The following CSDC2 variants were observed in gnomAD, a reference collection of about 807,000 sequenced individuals.
CSDC2 encodes cold shock domain-containing protein C2.
In CSDC2, 8 loss-of-function variants were observed where a neutral mutation model predicts 15.8. The ratio of observed to expected loss-of-function variants is 0.51; its 90% CI spans 0.30 to 0.92. The LOEUF (loss-of-function observed/expected upper bound fraction) is 0.92, where lower values mean the gene tolerates loss of function less well. CSDC2 is among the 40% of genes least tolerant of loss of function. The pLI is 0.07. For missense variants in CSDC2, 195 were observed against 213.3 expected (o/e 0.91, Z 0.53); for synonymous variants, 96 against 92.3 (o/e 1.04, Z -0.23).
intron 2 of CSDC2, among the ~76,000 whole-genome samples, chr22:41,572,624 C>T (rs1297153935): frequency 6.6e-6 from 1 of 152,114 alleles, no homozygotes; most frequent in Non-Finnish European, 1.5e-5. Flanking sequence ...CATTACCACC[C>T]AGCAGGGTTA....
intron 3 of CSDC2, 114 bp from the exon 4 acceptor site, chr22:41,574,619 C>T: frequency 7.8e-7 from 1 of 1,279,400 alleles, no homozygotes; most frequent in Admixed American, 2.5e-5. Flanking sequence ...AAGGCCTGGC[C>T]AGGCCTCCTG....
intron 2 of CSDC2, 103 bp from the exon 3 acceptor site, chr22:41,573,552 C>T: frequency 7.1e-7 from 1 of 1,402,162 alleles, no homozygotes. Context: ...TCAAGTTTCT[C>T]ACAGCCCTGA....
At chr22:41,561,869 G>T (rs1426672347) in intron 1 of CSDC2, among the ~76,000 whole-genome samples, 2 of 152,222 alleles carry the variant, frequency 1.3e-5, no homozygotes, top group African/African-American at 2.4e-5. Flanking sequence ...GGCCTGCCAG[G>T]CCTCTATCTT....
At chr22:41,574,247 T>C (rs549054405) in intron 3 of CSDC2, among the ~76,000 whole-genome samples, 1 of 151,878 alleles carries the variant, frequency 6.6e-6, no homozygotes, top group East Asian at 1.9e-4. Context: ...GAGGTACAGT[T>C]TATGAGTCCC....
In CSDC2 at chr22:41,571,839, C is replaced by T; in HGVS notation, c.-123-4C>T. ...TCACCTGTGCCTCTTTCTTCCTCTT[C>T]CAGACGGAGCCCGTGGCTGGTGAGG... is the stretch of plus-strand genomic sequence containing the variant. On this transcript the variant is annotated splice_polypyrimidine_tract_variant and splice_region_variant and intron_variant, in intron 1 of 3. Transcript: ENST00000306149. 5.6e-6 allele frequency: 3 copies of T among 536,200 alleles called. No homozygotes were observed. Among genetic ancestry groups the T allele is most frequent in the East Asian group, 7.0e-5 (2 of 28,536 alleles). 33.2% of individuals were successfully genotyped at this position (536,200 alleles called of 1,614,324 possible).
At chr22:41,561,235 G>T (rs567194167) in intron 1 of CSDC2, 52 bp downstream of exon 1, 1 of 152,792 alleles carries the variant, frequency 6.5e-6, no homozygotes, top group Non-Finnish European at 1.5e-5. Flanking sequence ...TGTGGCTTTG[G>T]CCAGGCCGAA....
rs1423478627 is a variant in CSDC2 at position 41,574,921 on chromosome 22, C to A, written c.*26C>A. 1 of 1,560,448 alleles carries A rather than the reference C, an allele frequency of 6.4e-7. No individual in the cohort carries two copies. The highest frequency in any genetic ancestry group is 1.9e-5 in the Admixed American group (1 of 52,222). ...GCTGAGTGGTTCACAGGCCAGCTGG[C>A]CGGGGGTTGGGGAGCCACACAGGGT... is the stretch of plus-strand genomic sequence containing the variant. On this transcript the variant is annotated 3_prime_UTR_variant, in exon 4 of 4. Transcript: ENST00000306149.
chr22:41,574,070 A>G (rs2067162203), intron 3 of CSDC2, among the ~76,000 whole-genome samples: 1 of 152,166 alleles, frequency 6.6e-6, no homozygotes, highest in Non-Finnish European at 1.5e-5. Context: ...TGGCCTGGAA[A>G]GGGCCTTCAT....
chr22:41,562,837 A>G (rs1456773459), intron 1 of CSDC2, among the ~76,000 whole-genome samples: 6 of 152,166 alleles, frequency 3.9e-5, no homozygotes, highest in African/African-American at 1.4e-4. Flanking sequence ...GGGGGCTGGC[A>G]TGGCACACCA....
intron 2 of CSDC2, among the ~76,000 whole-genome samples, chr22:41,572,509 C>A (rs2067153193): frequency 1.3e-5 from 2 of 151,842 alleles, no homozygotes; most frequent in African/African-American, 4.8e-5. Context: ...TCCATCCATC[C>A]ACCCATCCAT....
intron 1 of CSDC2, among the ~76,000 whole-genome samples, chr22:41,569,777 C>CTTT (rs372029264): frequency 1.2e-4 from 13 of 107,926 alleles, no homozygotes; most frequent in Non-Finnish European, 1.5e-4. Context: ...TGTGTGGTTG[C>CTTT]TTTTTTTTTT....
Position 41,571,989 on chromosome 22 carries a change from C to A in CSDC2, c.24C>A (p.Pro8=). The change falls in exon 2 of 4, where the codon CCC becomes CCA. Residue 8 remains proline (P), a synonymous_variant. Transcript: ENST00000306149. The part of the protein sequence containing the change: MTSESTS[P]PVVPPLHSPK... Reference sequence around the variant, plus strand: ...CCATGACTTCAGAGTCGACGTCACCCCCAGTTGTGCCCCCGCTCCACTCCC... The same window carrying A: ...CCATGACTTCAGAGTCGACGTCACCACCAGTTGTGCCCCCGCTCCACTCCC... The A allele has an allele frequency of 7.3e-7, 1 of 1,363,508 alleles. No homozygotes were observed. Among genetic ancestry groups the A allele is most frequent in the Non-Finnish European group, 9.5e-7 (1 of 1,056,594 alleles). 84.5% of individuals were successfully genotyped at this position (1,363,508 alleles called of 1,614,324 possible). A position where few individuals can be genotyped will look rare whatever the true frequency, so the allele number is the denominator to read the frequency against.
At chr22:41,571,195 A>G (rs893623926) in intron 1 of CSDC2, among the ~76,000 whole-genome samples, 1 of 151,922 alleles carries the variant, frequency 6.6e-6, no homozygotes. Flanking sequence ...TCTACTAAAA[A>G]TACAAAAAAT....
At chr22:41,566,859 G>A (rs1434994380) in intron 1 of CSDC2, among the ~76,000 whole-genome samples, 22 of 146,554 alleles carry the variant, frequency 1.5e-4, no homozygotes, top group Admixed American at 1.5e-3. Context: ...CCCGGGAGGC[G>A]GAGCTTGCAG....
At position 41,573,655 on chromosome 22, in the gene CSDC2, G is replaced by A; in HGVS notation, c.177G>A (p.Ala59=). 1 of 1,612,188 alleles carries A rather than the reference G, an allele frequency of 6.2e-7. No homozygotes were observed. Among genetic ancestry groups the A allele is most frequent in the East Asian group, 2.2e-5 (1 of 44,800 alleles). The change falls in exon 3 of 4, where the codon GCG becomes GCA. Residue 59 remains alanine, a splice_region_variant and synonymous_variant. Transcript: ENST00000306149. ...TCCAATCCCACTACCCTATCTCCAG[G>A]ACAGCCCGGGCCTCAGCTGGCCCCG... is the stretch of plus-strand genomic sequence containing the variant. ...LPTKRTRTYS[A]TARASAGPVF... is the part of the protein sequence containing the mutation.
intron 2 of CSDC2, among the ~76,000 whole-genome samples, chr22:41,573,427 G>A (rs1300869777): frequency 6.6e-6 from 1 of 151,820 alleles, no homozygotes; most frequent in Non-Finnish European, 1.5e-5. Flanking sequence ...CAAACTCCTA[G>A]GCCCAAGTGA....
intron 1 of CSDC2, among the ~76,000 whole-genome samples, chr22:41,568,863 C>G (rs1019961044): frequency 1.7e-4 from 26 of 152,378 alleles, no homozygotes; most frequent in Non-Finnish European, 3.8e-4. Context: ...GTTCTTCCCC[C>G]ATCCCTGCAG....
Position 41,576,359 on chromosome 22 carries a change from G to GC in CSDC2, c.*1465dup, listed in dbSNP as rs1207870910. ...GGTGTGGTCAGCTCCCCTAAAATGG[G>GC]CACGGCCCAGCCTGTCCCATGAGGA... On this transcript the variant is annotated 3_prime_UTR_variant, in exon 4 of 4. Coordinates refer to ENST00000306149, the MANE Select transcript of CSDC2 (RefSeq NM_014460.4). 1 of 152,188 alleles carries GC rather than the reference G, an allele frequency of 6.6e-6. No individual in the cohort carries two copies. Among genetic ancestry groups the GC allele is most frequent in the Non-Finnish European group, 1.5e-5 (1 of 68,046 alleles). 9.4% of individuals were successfully genotyped at this position (152,188 alleles called of 1,614,324 possible).
At chr22:41,567,930 G>A (rs1445891448) in intron 1 of CSDC2, among the ~76,000 whole-genome samples, 1 of 152,172 alleles carries the variant, frequency 6.6e-6, no homozygotes, top group Non-Finnish European at 1.5e-5. Flanking sequence ...GAAAGTGAAT[G>A]GTGGGCTTGG....
Sources: gnomAD v4.1 joint callset for allele counts (sites outside exome capture counted in the v4.1 genomes callset) on GRCh38, gnomAD v4.1.1 for gene constraint, MANE v1.5 for transcripts, NCBI Gene and HGNC (gene_info 2026-07-23, HGNC 2026-07-21) for gene names.